PAFAH1B2: variants seen among roughly 807,000 people sequenced by gnomAD.
The protein encoded by PAFAH1B2 is platelet activating factor acetylhydrolase 1b catalytic subunit 2.
Under a neutral mutation model 28.0 loss-of-function variants are expected in PAFAH1B2, and 8 were observed. The ratio of observed to expected loss-of-function variants is 0.29; its 90% CI spans 0.17 to 0.52. The LOEUF (loss-of-function observed/expected upper bound fraction) is 0.52. PAFAH1B2 is among the 20% of genes least tolerant of loss of function. The pLI is 0.97. For synonymous variants in PAFAH1B2, 104 were observed against 103.2 expected (o/e 1.01, Z -0.05); for missense variants, 190 against 282.6 (o/e 0.67, Z 2.35).
chr11:117,167,004 G>A (rs553682496), intron 5 of PAFAH1B2, among the ~76,000 whole-genome samples: 1 of 152,324 alleles, frequency 6.6e-6, no homozygotes, highest in Non-Finnish European at 1.5e-5. Flanking sequence ...TATATGGGAT[G>A]TGAGACTTGC....
Position 117,155,712 on chromosome 11 carries a change from A to G in PAFAH1B2, c.81+3184A>G, listed in dbSNP as rs1048898732. On this transcript the variant is annotated intron_variant, in intron 2 of 5. Coordinates refer to ENST00000527958, the MANE Select transcript of PAFAH1B2 (RefSeq NM_002572.4). ...AAATTATATATATATATATCCCTTT[A>G]TCACACTTACTAGATTCACAAAAAG... 2.1e-4 allele frequency among the ~76,000 whole-genome samples: 32 copies of G among 152,108 alleles called. 1 individual carries two copies. The highest frequency in any genetic ancestry group is 7.5e-4 in the African/African-American group (31 of 41,430).
At chr11:117,147,984 T>C (rs1484800830) in intron 1 of PAFAH1B2, among the ~76,000 whole-genome samples, 1 of 152,120 alleles carries the variant, frequency 6.6e-6, no homozygotes, top group Admixed American at 6.6e-5. Context: ...CCATTAAATT[T>C]GGGTAGTAGA....
intron 2 of PAFAH1B2, among the ~76,000 whole-genome samples, chr11:117,157,351 A>C (rs1231052688): frequency 1.3e-5 from 2 of 152,034 alleles, no homozygotes; most frequent in Non-Finnish European, 2.9e-5. Context: ...CATGTTGCCC[A>C]GGCTGGTCTT....
At chr11:117,149,440 T>TTTTTTTTTTTTTTTTTG (rs1490691329) in intron 1 of PAFAH1B2, among the ~76,000 whole-genome samples, 14 of 132,132 alleles carry the variant, frequency 1.1e-4, no homozygotes, top group Non-Finnish European at 1.1e-4. Flanking sequence ...GTTTTTTTTT[T>TTTTTTTTTTTTTTTTTG]TTTTGAGATG....
chr11:117,160,104 A>C lies in PAFAH1B2; in HGVS notation c.171+81A>C, dbSNP rs1956341460. 7 of 992,018 alleles carry C rather than the reference A, an allele frequency of 7.1e-6. No individual in the cohort carries two copies. In the South Asian group the frequency reaches 9.0e-5, roughly 13 times the overall value. 61.5% of individuals were successfully genotyped at this position (992,018 alleles called of 1,614,324 possible). On this transcript the variant is annotated intron_variant, in intron 3 of 5. Coordinates refer to ENST00000527958, the MANE Select transcript of PAFAH1B2 (RefSeq NM_002572.4). The stretch of plus-strand genomic sequence containing the variant: ...ACTAACAGACTTTCATTCTGAGCTG[A>C]ACTTACTTATTTGTGACTCTTAGAG...
At chr11:117,158,174 A>C (rs1026421610) in intron 2 of PAFAH1B2, among the ~76,000 whole-genome samples, 2 of 152,176 alleles carry the variant, frequency 1.3e-5, no homozygotes, top group African/African-American at 4.8e-5. Context: ...TATGTTCTTT[A>C]GCATTGATGG....
chr11:117,170,115 C>G lies in PAFAH1B2; in HGVS notation c.*2416C>G. 1 of 1,055,066 alleles carries G rather than the reference C, an allele frequency of 9.5e-7. No individual in the cohort carries two copies. The highest frequency in any genetic ancestry group is 1.1e-6 in the Non-Finnish European group (1 of 872,996). The allele number at this position is 1,055,066 out of a possible 1,614,324, so 65.4% of individuals were successfully genotyped here. ...TCATTTTTTGCCAGATTTCTTTGCA[C>G]TACTTTAGGTAAAAATAGTTAATCT... On this transcript the variant is annotated 3_prime_UTR_variant, in exon 6 of 6. Transcript: ENST00000527958.
downstream of PAFAH1B2, chr11:117,175,985 A>T: frequency 6.8e-7 from 1 of 1,463,864 alleles, no homozygotes; most frequent in Non-Finnish European, 9.3e-7. Flanking sequence ...CTGATTCTCC[A>T]AACTTGGCAG....
chr11:117,144,871 G>C (rs1015437452), intron 1 of PAFAH1B2, among the ~76,000 whole-genome samples: 2 of 152,134 alleles, frequency 1.3e-5, no homozygotes, highest in African/African-American at 2.4e-5. Context: ...TTATCACAGG[G>C]GTCTAACTTC....
At position 117,168,083 on chromosome 11, in the gene PAFAH1B2, C is replaced by A. The variant is rs1363257074; in HGVS notation, c.*384C>A. On this transcript the variant is annotated 3_prime_UTR_variant, in exon 6 of 6. Transcript: ENST00000527958. ...TGTCATATATAATAATTATCAGAATCATTCTACTTGGCTTTAAAACATGTT... is the reference window on the plus strand; with the variant it reads ...TGTCATATATAATAATTATCAGAATAATTCTACTTGGCTTTAAAACATGTT... 2.8e-6 allele frequency: 3 copies of A among 1,056,150 alleles called. No homozygotes were observed. Among genetic ancestry groups the A allele is most frequent in the Middle Eastern group, 4.2e-4 (1 of 2,356 alleles). 65.4% of individuals were successfully genotyped at this position (1,056,150 alleles called of 1,614,324 possible).
At chr11:117,178,150 A>G (rs1430196678), downstream of PAFAH1B2, among the ~76,000 whole-genome samples, 1 of 152,220 alleles carries the variant, frequency 6.6e-6, no homozygotes, top group African/African-American at 2.4e-5. Context: ...TCACCAATTT[A>G]CACTGAAGGT....
chr11:117,150,423 T>C (rs1956123565), intron 1 of PAFAH1B2, among the ~76,000 whole-genome samples: 1 of 152,078 alleles, frequency 6.6e-6, no homozygotes, highest in African/African-American at 2.4e-5. Context: ...GTGCTAGGAT[T>C]ACAGGCATGA....
chr11:117,169,163 T>C lies in PAFAH1B2; in HGVS notation c.*1464T>C, dbSNP rs1956588530. 2.9e-6 allele frequency: 3 copies of C among 1,027,880 alleles called. No individual in the cohort carries two copies. Among genetic ancestry groups the C allele is most frequent in the Non-Finnish European group, 3.5e-6 (3 of 855,560 alleles). The allele number at this position is 1,027,880 out of a possible 1,614,324, so 63.7% of individuals were successfully genotyped here. A position where few individuals can be genotyped will look rare whatever the true frequency, so the allele number is the denominator to read the frequency against. On this transcript the variant is annotated 3_prime_UTR_variant, in exon 6 of 6. Coordinates refer to ENST00000527958, the MANE Select transcript of PAFAH1B2 (RefSeq NM_002572.4). ...TCTGTGGGGAAACAAGTGAAGCTGC[T>C]CTTCAGCATAGACACTACCTTTATC...
At chr11:117,175,180 T>C, downstream of PAFAH1B2, 1 of 1,136,906 alleles carries the variant, frequency 8.8e-7, no homozygotes, top group Non-Finnish European at 1.1e-6. Context: ...GGTTGAGCTC[T>C]TTGTATATTA....
chr11:117,169,801 T>C lies in PAFAH1B2; in HGVS notation c.*2102T>C. On this transcript the variant is annotated 3_prime_UTR_variant, in exon 6 of 6. Transcript: ENST00000527958. ...AAGAATTAAGCCAGATTTTTGTGTG[T>C]GGAAAGACAGTTTTCTATCCACGTC... is the stretch of plus-strand genomic sequence containing the variant. 9.5e-7 allele frequency: 1 copy of C among 1,055,930 alleles called. No homozygotes were observed. The highest frequency in any genetic ancestry group is 1.1e-6 in the Non-Finnish European group (1 of 873,490). 65.4% of individuals were successfully genotyped at this position (1,055,930 alleles called of 1,614,324 possible).
chr11:117,174,839 T>G, downstream of PAFAH1B2: 2 of 1,194,332 alleles, frequency 1.7e-6, no homozygotes, highest in Non-Finnish European at 2.3e-6. Flanking sequence ...GGTCTCAAAC[T>G]CCTGACTTCA....
chr11:117,152,608 A>G (rs570164614), intron 2 of PAFAH1B2, 80 bp downstream of exon 2: 13 of 997,520 alleles, frequency 1.3e-5, no homozygotes, highest in African/African-American at 1.6e-5. Context: ...TTTTGAGACA[A>G]GGTCTCACTG....
chr11:117,168,599 G>T lies in PAFAH1B2; in HGVS notation c.*900G>T. 1 of 1,062,804 alleles carries T rather than the reference G, an allele frequency of 9.4e-7. No homozygotes were observed. Among genetic ancestry groups the T allele is most frequent in the Non-Finnish European group, 1.1e-6 (1 of 878,124 alleles). The allele number at this position is 1,062,804 out of a possible 1,614,324, so 65.8% of individuals were successfully genotyped here. ...AAAACTCATTCTTGTGTGGTGTTCT[G>T]TGCTATAGATTCTGTGTATTGCTGT... is the stretch of plus-strand genomic sequence containing the variant. On this transcript the variant is annotated 3_prime_UTR_variant, in exon 6 of 6. Coordinates refer to ENST00000527958, the MANE Select transcript of PAFAH1B2 (RefSeq NM_002572.4).
At chr11:117,172,999 C>T (rs1311720329), downstream of PAFAH1B2, among the ~76,000 whole-genome samples, 1 of 152,226 alleles carries the variant, frequency 6.6e-6, no homozygotes, top group Admixed American at 6.5e-5. Flanking sequence ...CACCGCGGAC[C>T]CAGCCGCCTG....
Sources: allele counts gnomAD v4.1 joint callset (sites outside exome capture counted in the v4.1 genomes callset), GRCh38; gene constraint gnomAD v4.1.1; transcripts MANE v1.5; gene names NCBI Gene and HGNC (gene_info 2026-07-23, HGNC 2026-07-21).